ZNF76: variants seen among roughly 807,000 people sequenced by gnomAD.
ZNF76 encodes zinc finger protein 76, also known as zinc finger protein 523.
In ZNF76, 66 loss-of-function variants were observed where a neutral mutation model predicts 66.9. The ratio of observed to expected loss-of-function variants is 0.99; its 90% CI spans 0.81 to 1.21. ZNF76 has a LOEUF of 1.21. Ranked by LOEUF, ZNF76 falls within the 50% of genes most tolerant of loss-of-function variation. The probability of loss-of-function intolerance (pLI) is 0.00; values close to 1 mark genes in which losing one functional copy is unlikely to be tolerated. For synonymous variants in ZNF76, 275 were observed against 296.1 expected (o/e 0.93, Z 0.73); for missense variants, 729 against 760.3 (o/e 0.96, Z 0.48).
At chr6:35,276,533 C>T (rs1191490336) in intron 1 of ZNF76, among the ~76,000 whole-genome samples, 1 of 152,204 alleles carries the variant, frequency 6.6e-6, no homozygotes, top group Non-Finnish European at 1.5e-5. Flanking sequence ...ATCTGAGGCT[C>T]AGAGAGCCTG....
chr6:35,280,349 T>TA (rs1788577486), intron 1 of ZNF76, among the ~76,000 whole-genome samples: 1 of 152,158 alleles, frequency 6.6e-6, no homozygotes, highest in Admixed American at 6.5e-5. Context: ...GACAGAGTGA[T>TA]ACTTTGTCTC....
intron 1 of ZNF76, among the ~76,000 whole-genome samples, chr6:35,264,265 T>A (rs1182309394): frequency 2.6e-5 from 4 of 152,220 alleles, no homozygotes; most frequent in African/African-American, 9.7e-5. Flanking sequence ...ACGTCGGTAA[T>A]TTAGACACTT....
intron 1 of ZNF76, among the ~76,000 whole-genome samples, chr6:35,272,493 GTGTGTGTGTGTGTGTGTGTA>G (rs1041259723): frequency 3.4e-4 from 45 of 131,192 alleles, no homozygotes; most frequent in Admixed American, 8.9e-4. Flanking sequence ...GTGTGTGTGT[GTGTGTGTGTGTGTGTGTGTA>G]TGTATATGCA....
rs895633095 is a variant in ZNF76, at chr6:35,292,361, G to C, written c.932-193G>C. 2 of 626,678 alleles carry C rather than the reference G, an allele frequency of 3.2e-6. No individual in the cohort carries two copies. The highest frequency in any genetic ancestry group is 3.7e-5 in the African/African-American group (2 of 54,366). The allele number at this position is 626,678 out of a possible 1,614,324, so 38.8% of individuals were successfully genotyped here. Reference sequence around the variant, plus strand: ...CCTTTCCGCCTTGTCTCTGGATTCAGTGGTTCAACACCTGTGTCCTCTCTG... The same window carrying C: ...CCTTTCCGCCTTGTCTCTGGATTCACTGGTTCAACACCTGTGTCCTCTCTG... On this transcript the variant is annotated intron_variant, in intron 9 of 13. Transcript: ENST00000373953. The surrounding 1 kb of genome is among the most constrained non-coding windows in gnomAD (Gnocchi z 4.7).
chr6:35,291,237 C>G, intron 7 of ZNF76, 41 bp from the exon 8 acceptor site: 2 of 1,572,848 alleles, frequency 1.3e-6, no homozygotes. Flanking sequence ...TGAGACCCCA[C>G]TGGGTGCTCA....
chr6:35,284,956 C>G (rs1359310798), intron 2 of ZNF76, among the ~76,000 whole-genome samples: 1 of 151,540 alleles, frequency 6.6e-6, no homozygotes, highest in Non-Finnish European at 1.5e-5. Context: ...AGCGATCCAC[C>G]CGCCTTGGCC....
Position 35,295,258 on chromosome 6 carries a change from G to T in ZNF76, c.*10G>T, listed in dbSNP as rs1190836268. 1 of 1,590,430 alleles carries T rather than the reference G, an allele frequency of 6.3e-7. No homozygotes were observed. ...GGAGAGTGGCTGCTGAGTCCAAGAGGGCTGGGTCCCACACCATGCTGGAGG... is the reference window on the plus strand; with the variant it reads ...GGAGAGTGGCTGCTGAGTCCAAGAGTGCTGGGTCCCACACCATGCTGGAGG... On this transcript the variant is annotated 3_prime_UTR_variant, in exon 14 of 14. Coordinates refer to ENST00000373953, the MANE Select transcript of ZNF76 (RefSeq NM_003427.5).
intron 2 of ZNF76, among the ~76,000 whole-genome samples, chr6:35,285,441 A>G (rs1042600351): frequency 6.6e-6 from 1 of 152,162 alleles, no homozygotes; most frequent in African/African-American, 2.4e-5. Flanking sequence ...TATACCTGGC[A>G]CTCTTCCCAG....
intron 1 of ZNF76, among the ~76,000 whole-genome samples, chr6:35,267,682 C>T (rs1440248841): frequency 1.3e-5 from 2 of 152,188 alleles, no homozygotes; most frequent in Non-Finnish European, 2.9e-5. Context: ...GCAGACAACC[C>T]CCTGTTGTGG....
chr6:35,277,303 G>GAGATGTC (rs1251398224), intron 1 of ZNF76, among the ~76,000 whole-genome samples: 1 of 152,182 alleles, frequency 6.6e-6, no homozygotes, highest in Non-Finnish European at 1.5e-5. Context: ...TAATAGACCA[G>GAGATGTC]AGATGTCAGA....
chr6:35,291,139 G>C, intron 7 of ZNF76, 139 bp from the exon 8 acceptor site: 5 of 1,200,574 alleles, frequency 4.2e-6, no homozygotes, highest in Non-Finnish European at 5.7e-6. Flanking sequence ...TCCAGCCCCT[G>C]CCCAGGGCAG....
rs935008455 is a variant in ZNF76, at chr6:35,293,992, A to G, written c.1494+77A>G. On this transcript the variant is annotated intron_variant, in intron 12 of 13. Coordinates refer to ENST00000373953, the MANE Select transcript of ZNF76 (RefSeq NM_003427.5). The stretch of plus-strand genomic sequence containing the variant: ...GGGGCGGGCATTAAAGTGCAGCCTA[A>G]ACTAGTCAAGTCTTCTTACCAGGAC... The G allele has an allele frequency of 3.3e-6, 5 of 1,530,300 alleles. No individual in the cohort carries two copies. In the African/African-American group the frequency reaches 6.8e-5, roughly 21 times the overall value. The allele number at this position is 1,530,300 out of a possible 1,614,324, so 94.8% of individuals were successfully genotyped here.
intron 2 of ZNF76, among the ~76,000 whole-genome samples, chr6:35,282,842 TG>T (rs1264317062): frequency 6.6e-6 from 1 of 152,212 alleles, no homozygotes; most frequent in Admixed American, 6.5e-5. Flanking sequence ...TGACAGTGTG[TG>T]GGGGTCCCTT....
Position 35,280,415 on chromosome 6 carries a change from C to T in ZNF76, c.-96-641C>T, listed in dbSNP as rs117223017. Among the ~76,000 whole-genome samples the T allele has an allele frequency of 1.0e-3, 151 of 151,480 alleles. 1 individual carries two copies. The East Asian group carries it at 0.027, about 27-fold the overall frequency. ...AAACAGACAAAAGTTTATCTGAGGA[C>T]ATAAGTTATAAGGCTCCTTATAGTT... On this transcript the variant is annotated intron_variant, in intron 1 of 13. Transcript: ENST00000373953.
At chr6:35,276,248 C>G (rs1167307020) in intron 1 of ZNF76, among the ~76,000 whole-genome samples, 1 of 152,022 alleles carries the variant, frequency 6.6e-6, no homozygotes, top group Non-Finnish European at 1.5e-5. Flanking sequence ...GTAATTTGGG[C>G]CAGCATTTCA....
chr6:35,292,763 C>T lies in ZNF76; in HGVS notation c.1141C>T (p.Leu381Phe), dbSNP rs1394998216. The T allele has an allele frequency of 6.2e-7, 1 of 1,614,048 alleles. No individual in the cohort carries two copies. Among genetic ancestry groups the T allele is most frequent in the East Asian group, 2.2e-5 (1 of 44,874 alleles). The change falls in exon 10 of 14, where the codon CTC becomes TTC. Residue 381 changes from leucine (L) to phenylalanine (F), a missense_variant. By Grantham distance (22) the Leu-to-Phe change is conservative (BLOSUM62 0). Coordinates refer to ENST00000373953, the MANE Select transcript of ZNF76 (RefSeq NM_003427.5). The surrounding 1 kb of genome is among the most constrained non-coding windows in gnomAD (Gnocchi z 4.7). Reference sequence around the variant, plus strand: ...GGCCACGGAGGAGAGCGAGCAGGCCCTCTATGAGCAGCAGCAACTTGAGGG... The same window carrying T: ...GGCCACGGAGGAGAGCGAGCAGGCCTTCTATGAGCAGCAGCAACTTGAGGG... ...LEATEESEQA[L>F]YEQQQLEAAS...
At position 35,291,640 on chromosome 6, in the gene ZNF76, C is replaced by G; in HGVS notation, c.834C>G (p.Thr278=). The part of the protein sequence containing the change: ...TSNIRKVHVR[T]HTGERPYTCP... ...ACATCCGCAAGGTACATGTGCGCAC[C>G]CACACAGGCGAGAGGCCCTACACCT... Residue 278 remains threonine (T), a synonymous_variant, in exon 9 of 14, where the codon ACC becomes ACG. Transcript: ENST00000373953. The G allele has an allele frequency of 6.2e-7, 1 of 1,614,032 alleles. No individual in the cohort carries two copies. The highest frequency in any genetic ancestry group is 2.2e-5 in the East Asian group (1 of 44,866).
intron 1 of ZNF76, among the ~76,000 whole-genome samples, chr6:35,267,396 C>CA (rs1786311276): frequency 6.6e-6 from 1 of 152,170 alleles, no homozygotes; most frequent in African/African-American, 2.4e-5. Flanking sequence ...CACACCCAGC[C>CA]AAAATGACCA....
Position 35,286,167 on chromosome 6 carries a change from A to G in ZNF76, c.113A>G (p.Asp38Gly). Residue 38 changes from aspartate (D) to glycine (G), a missense_variant, in exon 3 of 14, where the codon GAT becomes GGT. By Grantham distance (94) the Asp-to-Gly change is moderately conservative. Coordinates refer to ENST00000373953, the MANE Select transcript of ZNF76 (RefSeq NM_003427.5). ...LLEGQVIQLE[D>G]GTTAYIHQVT... Reference sequence around the variant, plus strand: ...GAAGGGCAGGTGATCCAGCTCGAGGATGGGACCACCGCATACATTCACCAG... The same window carrying G: ...GAAGGGCAGGTGATCCAGCTCGAGGGTGGGACCACCGCATACATTCACCAG... 1.2e-6 allele frequency: 2 copies of G among 1,614,134 alleles called. No homozygotes were observed. The highest frequency in any genetic ancestry group is 1.7e-6 in the Non-Finnish European group (2 of 1,180,024).
Sources: gnomAD v4.1 joint callset for allele counts (sites outside exome capture counted in the v4.1 genomes callset) on GRCh38, gnomAD v4.1.1 for gene constraint, Gnocchi (gnomAD v3.1) non-coding constraint, MANE v1.5 for transcripts, NCBI Gene and HGNC (gene_info 2026-07-23, HGNC 2026-07-21) for gene names.